Variants in TTC29 observed in about 807,000 individuals in gnomAD.
TTC29 encodes the protein tetratricopeptide repeat domain 29, also known as tetratricopeptide repeat protein 29.
TTC29 carries 49 observed loss-of-function variants against 58.1 expected under a neutral mutation model. That is an observed-to-expected ratio of 0.84 (90% CI 0.67 to 1.07). The LOEUF (loss-of-function observed/expected upper bound fraction) is 1.07, where lower values mean the gene tolerates loss of function less well. Among genes scored for constraint, TTC29 ranks in the 50% least tolerant of loss-of-function variants. The pLI is 0.00. For synonymous variants in TTC29, 209 were observed against 196.8 expected, an observed-to-expected ratio of 1.06 and a Z score of -0.52; for missense variants, 582 against 555.6, an observed-to-expected ratio of 1.05 and a Z score of -0.48.
At chr4:146,750,820 T>C (rs1179240003) in intron 11 of TTC29, among the ~76,000 whole-genome samples, 1 of 152,170 alleles carries the variant, frequency 6.6e-6, no homozygotes, top group Non-Finnish European at 1.5e-5. Flanking sequence ...AAAGGACTTA[T>C]AAAACAATCT....
intron 11 of TTC29, among the ~76,000 whole-genome samples, chr4:146,763,132 C>A (rs537942862): frequency 2.6e-5 from 4 of 152,060 alleles, no homozygotes; most frequent in African/African-American, 7.2e-5. Flanking sequence ...TTAGGCCTTA[C>A]AAGGCTCTTT....
chr4:146,930,303 C>G (rs1393490038), intron 4 of TTC29, among the ~76,000 whole-genome samples: 2 of 151,442 alleles, frequency 1.3e-5, no homozygotes, highest in Non-Finnish European at 2.9e-5. Flanking sequence ...TATAACTAGA[C>G]ATTTAAATGC....
At chr4:146,881,223 T>G (rs1731603621) in intron 6 of TTC29, among the ~76,000 whole-genome samples, 1 of 152,086 alleles carries the variant, frequency 6.6e-6, no homozygotes, top group Non-Finnish European at 1.5e-5. Context: ...ATTCTGAAAA[T>G]AGCTAATTAT....
intron 11 of TTC29, among the ~76,000 whole-genome samples, chr4:146,766,536 A>G (rs1747335416): frequency 6.6e-6 from 1 of 152,096 alleles, no homozygotes; most frequent in Non-Finnish European, 1.5e-5. Context: ...TATTTCTTGC[A>G]TATGGACAAC....
intron 4 of TTC29, among the ~76,000 whole-genome samples, chr4:146,912,841 C>T (rs1453364478): frequency 6.6e-6 from 1 of 151,742 alleles, no homozygotes; most frequent in Admixed American, 6.6e-5. Context: ...TAGGTGATTT[C>T]AAAACATTTT....
At chr4:146,917,644 T>G (rs1303215713) in intron 4 of TTC29, among the ~76,000 whole-genome samples, 5 of 142,174 alleles carry the variant, frequency 3.5e-5, no homozygotes, top group African/African-American at 1.2e-4. Context: ...AAATTATATA[T>G]TATATATTTA....
Position 146,707,568 on chromosome 4 carries a change from C to A in TTC29, c.1331-17G>T. On this transcript the variant is annotated splice_polypyrimidine_tract_variant and intron_variant, in intron 11 of 12. Coordinates refer to ENST00000325106, the MANE Select transcript of TTC29 (RefSeq NM_031956.4). ...TAAACTCTTCTAAAAAAAAAATACACAAAGTTAATAGATTATCATGAACAC... is the reference window on the plus strand; with the variant it reads ...TAAACTCTTCTAAAAAAAAAATACAAAAAGTTAATAGATTATCATGAACAC... The A allele has an allele frequency of 6.5e-7, 1 of 1,543,548 alleles. No homozygotes were observed. The highest frequency in any genetic ancestry group is 1.7e-5 in the Admixed American group (1 of 57,686).
At chr4:146,803,068 G>A (rs944577378) in intron 11 of TTC29, among the ~76,000 whole-genome samples, 18 of 152,060 alleles carry the variant, frequency 1.2e-4, no homozygotes, top group Admixed American at 3.3e-4. Flanking sequence ...TAAAGTAAGC[G>A]CATAAAACAA....
chr4:146,934,361 G>C (rs1735597377), intron 4 of TTC29: 1 of 152,180 alleles, frequency 6.6e-6, no homozygotes, highest in Non-Finnish European at 1.5e-5. Flanking sequence ...CTGCCTTGAT[G>C]TTATTTGCTG....
At chr4:146,876,509 A>G (rs190849842) in intron 6 of TTC29, among the ~76,000 whole-genome samples, 175 of 152,346 alleles carry the variant, frequency 1.1e-3, no homozygotes, top group African/African-American at 4.0e-3. Context: ...ACTATTGCAT[A>G]TAATTTCTTC....
At chr4:146,908,260 G>T (rs1004202179) in intron 5 of TTC29, among the ~76,000 whole-genome samples, 3 of 152,004 alleles carry the variant, frequency 2.0e-5, no homozygotes, top group African/African-American at 7.2e-5. Context: ...TTGGAGAAAA[G>T]AATAATTTAG....
chr4:146,716,067 T>C (rs893584382), intron 11 of TTC29, among the ~76,000 whole-genome samples: 1 of 152,108 alleles, frequency 6.6e-6, no homozygotes, highest in African/African-American at 2.4e-5. Flanking sequence ...AGAAAAAAAA[T>C]AAGATTTGAA....
intron 7 of TTC29, among the ~76,000 whole-genome samples, chr4:146,870,355 G>A (rs1195773953): frequency 6.6e-6 from 1 of 151,874 alleles, no homozygotes; most frequent in African/African-American, 2.4e-5. Context: ...ATACAACTAA[G>A]GTGTGCATAG....
chr4:146,792,388 C>T (rs143270619), intron 11 of TTC29, among the ~76,000 whole-genome samples: 26 of 152,306 alleles, frequency 1.7e-4, no homozygotes, highest in African/African-American at 6.0e-4. Context: ...AACATCAAGT[C>T]TGTTGTAGCA....
intron 8 of TTC29, among the ~76,000 whole-genome samples, chr4:146,843,298 G>A (rs1420797547): frequency 6.6e-6 from 1 of 152,238 alleles, no homozygotes; most frequent in East Asian, 1.9e-4. Flanking sequence ...GGACAATTAG[G>A]GATGTCGCTT....
intron 8 of TTC29, among the ~76,000 whole-genome samples, chr4:146,862,795 C>T (rs190586559): frequency 6.6e-6 from 1 of 152,268 alleles, no homozygotes; most frequent in East Asian, 1.9e-4. Context: ...TTCCCGAAGC[C>T]TCTACTCTGG....
chr4:146,879,737 C>T (rs888357134), intron 6 of TTC29, among the ~76,000 whole-genome samples: 8 of 152,070 alleles, frequency 5.3e-5, no homozygotes, highest in African/African-American at 1.9e-4. Flanking sequence ...AAGGACTGTC[C>T]TCCTCTGGAA....
At chr4:146,906,298 A>G (rs1418368702) in intron 5 of TTC29, among the ~76,000 whole-genome samples, 1 of 152,230 alleles carries the variant, frequency 6.6e-6, no homozygotes, top group Admixed American at 6.5e-5. Flanking sequence ...AAATAACTCT[A>G]GGTTACTGCT....
chr4:146,908,928 T>C, intron 5 of TTC29, 98 bp downstream of exon 5: 1 of 1,024,938 alleles, frequency 9.8e-7, no homozygotes, highest in Non-Finnish European at 1.5e-6. Context: ...TAAGTTGTCT[T>C]AATGTTTCAA....
Sources: allele counts gnomAD v4.1 joint callset (sites outside exome capture counted in the v4.1 genomes callset), GRCh38; gene constraint gnomAD v4.1.1; transcripts MANE v1.5; gene names NCBI Gene and HGNC (gene_info 2026-07-23, HGNC 2026-07-21).